TAFA2: variants seen among roughly 807,000 people sequenced by gnomAD.
TAFA2 encodes the protein chemokine-like protein TAFA-2.
Under a neutral mutation model 18.8 loss-of-function variants are expected in TAFA2, and 7 were observed. The observed-to-expected ratio is 0.37, with a 90% CI of 0.21 to 0.70. The LOEUF (loss-of-function observed/expected upper bound fraction) is 0.70. Ranked by LOEUF, TAFA2 falls within the 30% of genes least tolerant of loss-of-function variation. The probability of loss-of-function intolerance (pLI) is 0.53; values close to 1 mark genes in which losing one functional copy is unlikely to be tolerated. For synonymous variants in TAFA2, 60 were observed against 54.2 expected (o/e 1.11, Z -0.47); for missense variants, 122 against 158.1 (o/e 0.77, Z 1.23).
At chr12:61,939,765 C>A (rs1313644247) in intron 1 of TAFA2, among the ~76,000 whole-genome samples, 3 of 152,164 alleles carry the variant, frequency 2.0e-5, no homozygotes, top group Non-Finnish European at 4.4e-5. Flanking sequence ...TTTCTTTTCA[C>A]CCACTCAAAG....
chr12:61,938,979 G>C (rs987501757), intron 1 of TAFA2, among the ~76,000 whole-genome samples: 1 of 151,750 alleles, frequency 6.6e-6, no homozygotes, highest in African/African-American at 2.4e-5. Context: ...CTACTCAGGT[G>C]GCGGGTGCAC....
intron 2 of TAFA2, among the ~76,000 whole-genome samples, chr12:61,865,689 A>G: frequency 6.6e-6 from 1 of 152,242 alleles, no homozygotes; most frequent in East Asian, 1.9e-4. Context: ...CTTTAACAAT[A>G]GTATGCAATA....
At chr12:62,232,464 T>C (rs1429154296) in intron 1 of TAFA2, among the ~76,000 whole-genome samples, 1 of 152,208 alleles carries the variant, frequency 6.6e-6, no homozygotes, top group African/African-American at 2.4e-5. Context: ...AGACATCTCA[T>C]AGCCAGGAAA....
At chr12:62,059,157 G>GTGTGTGTGTGTGTGCGTA (rs1555186761) in intron 1 of TAFA2, among the ~76,000 whole-genome samples, 10 of 150,488 alleles carry the variant, frequency 6.6e-5, no homozygotes, top group African/African-American at 2.5e-4. Context: ...GTGTGTGTGT[G>GTGTGTGTGTGTGTGCGTA]TGTGTGTGTG....
chr12:61,786,831 C>T (rs1334667110), intron 2 of TAFA2, among the ~76,000 whole-genome samples: 1 of 151,262 alleles, frequency 6.6e-6, no homozygotes, highest in Non-Finnish European at 1.5e-5. Flanking sequence ...TATAGATGTG[C>T]ACTATATACT....
At chr12:61,719,555 C>T (rs1231634450) in intron 4 of TAFA2, among the ~76,000 whole-genome samples, 1 of 152,174 alleles carries the variant, frequency 6.6e-6, no homozygotes, top group Non-Finnish European at 1.5e-5. Context: ...CCACTCCTAG[C>T]CCTTCCCTCA....
intron 1 of TAFA2, among the ~76,000 whole-genome samples, chr12:62,133,729 T>A (rs1423696750): frequency 1.3e-5 from 2 of 152,088 alleles, no homozygotes; most frequent in African/African-American, 4.8e-5. Flanking sequence ...CCTGGTTTAA[T>A]TGTTTGTCCT....
At chr12:61,822,018 T>C (rs1872340858) in intron 2 of TAFA2, among the ~76,000 whole-genome samples, 1 of 152,106 alleles carries the variant, frequency 6.6e-6, no homozygotes. Flanking sequence ...CCAATTATAA[T>C]ATAAAGCCAG....
rs529428628 is a variant in TAFA2 at position 62,121,927 on chromosome 12, A to T, written c.-2+69332T>A. ...CAGTGTCACCTTTGTATTTTACTGA[A>T]ACCAGAAAGAACAGAGATGGAGCTT... On this transcript the variant is annotated intron_variant, in intron 1 of 4. Coordinates refer to ENST00000416284, the MANE Select transcript of TAFA2 (RefSeq NM_178539.5). Among the ~76,000 whole-genome samples, 5 of 152,318 alleles carry T rather than the reference A, an allele frequency of 3.3e-5. No individual in the cohort carries two copies. The South Asian group carries it at 1.0e-3, about 32-fold the overall frequency.
intron 1 of TAFA2, among the ~76,000 whole-genome samples, chr12:62,180,710 A>C (rs2062546395): frequency 6.6e-6 from 1 of 152,186 alleles, no homozygotes; most frequent in Non-Finnish European, 1.5e-5. Context: ...AGCTATACTA[A>C]ATAGCATTTA....
intron 2 of TAFA2, among the ~76,000 whole-genome samples, chr12:61,789,649 C>T (rs1476554196): frequency 6.6e-6 from 1 of 151,732 alleles, no homozygotes; most frequent in Non-Finnish European, 1.5e-5. Flanking sequence ...ATGTAATAAA[C>T]CTGCACATTC....
At chr12:61,861,408 C>T (rs946972852) in intron 2 of TAFA2, among the ~76,000 whole-genome samples, 9 of 152,090 alleles carry the variant, frequency 5.9e-5, no homozygotes, top group African/African-American at 1.9e-4. Context: ...GGCCAGCGCA[C>T]CTGGATAATT....
At chr12:61,879,366 C>A (rs575430340) in intron 1 of TAFA2, 1 of 740,370 alleles carries the variant, frequency 1.4e-6, no homozygotes, top group Non-Finnish European at 2.3e-6. Context: ...CACCTCTGGC[C>A]CCCGGGCCTT....
chr12:62,043,082 A>G (rs1330031108), intron 1 of TAFA2, among the ~76,000 whole-genome samples: 3 of 152,180 alleles, frequency 2.0e-5, no homozygotes, highest in African/African-American at 7.2e-5. Context: ...TAAAACAGAA[A>G]TGTAAAATAT....
intron 1 of TAFA2, among the ~76,000 whole-genome samples, chr12:62,036,076 G>A (rs1164637389): frequency 6.6e-6 from 1 of 152,004 alleles, no homozygotes; most frequent in Non-Finnish European, 1.5e-5. Context: ...CCTGAATACT[G>A]TAGCAGGCTA....
At chr12:61,729,265 T>A (rs115626205) in intron 4 of TAFA2, among the ~76,000 whole-genome samples, 2,858 of 152,160 alleles carry the variant, frequency 0.019, 97 homozygotes, top group African/African-American at 0.065. Context: ...TGTATTTGGA[T>A]ATCTAGATCT....
At chr12:62,104,289 A>G (rs1299125532) in intron 1 of TAFA2, among the ~76,000 whole-genome samples, 3 of 144,930 alleles carry the variant, frequency 2.1e-5, no homozygotes, top group South Asian at 4.5e-4. Flanking sequence ...AAAAAAAAAA[A>G]GCTAATGTAA....
intron 1 of TAFA2, among the ~76,000 whole-genome samples, chr12:62,090,653 T>A (rs1024061776): frequency 2.6e-5 from 4 of 152,190 alleles, no homozygotes; most frequent in African/African-American, 9.6e-5. Context: ...GTTCTCTACC[T>A]CTTTCCCACA....
At chr12:61,755,702 C>T (rs1316089130) in intron 2 of TAFA2, among the ~76,000 whole-genome samples, 1 of 152,086 alleles carries the variant, frequency 6.6e-6, no homozygotes, top group African/African-American at 2.4e-5. Context: ...AGCCAATTGC[C>T]TGTAAACCCA....
Sources: gnomAD v4.1 joint callset for allele counts (sites outside exome capture counted in the v4.1 genomes callset) on GRCh38, gnomAD v4.1.1 for gene constraint, MANE v1.5 for transcripts, NCBI Gene and HGNC (gene_info 2026-07-23, HGNC 2026-07-21) for gene names.